Variants in UPF1 observed in about 807,000 individuals in gnomAD.
UPF1 encodes regulator of nonsense transcripts 1.
Under a neutral mutation model 129.2 loss-of-function variants are expected in UPF1, and 9 were observed. The ratio of observed to expected loss-of-function variants is 0.07; its 90% CI spans 0.04 to 0.12. The LOEUF (loss-of-function observed/expected upper bound fraction) is 0.12, where lower values mean the gene tolerates loss of function less well. UPF1 is among the 10% of genes least tolerant of loss of function. The pLI is 1.00. For missense variants in UPF1, 788 were observed against 1,525.3 expected (o/e 0.52, Z 8.05); for synonymous variants, 649 against 644.9 (o/e 1.01, Z -0.10).
chr19:18,861,728 G>C (rs2055781998), intron 17 of UPF1, among the ~76,000 whole-genome samples: 1 of 152,200 alleles, frequency 6.6e-6, no homozygotes, highest in Admixed American at 6.5e-5. Context: ...CTACTCAGGA[G>C]ACTGAGGTGG....
rs1323908980 is a variant in UPF1 at position 18,850,395 on chromosome 19, T to G, written c.629+153T>G. Among the ~76,000 whole-genome samples, 1 of 152,224 alleles carries G rather than the reference T, an allele frequency of 6.6e-6. No individual in the cohort carries two copies. The highest frequency in any genetic ancestry group is 1.5e-5 in the Non-Finnish European group (1 of 68,028). ...CTGAAGGGTGAGGCATGAGAGCGTT[T>G]AGGCGCTGAGGCTTGTTAAGGAGTC... is the stretch of plus-strand genomic sequence containing the variant. On this transcript the variant is annotated intron_variant, in intron 4 of 23. Transcript: ENST00000262803. This position sits in a 1 kb window ranked among gnomAD's most constrained non-coding sequence, Gnocchi z 7.1.
Position 18,856,244 on chromosome 19 carries a change from G to T in UPF1, c.1768G>T (p.Ala590Ser). Residue 590 changes from alanine to serine, a missense_variant, in exon 13 of 24, where the codon GCC (alanine) becomes TCC (serine). This residue lies in a region of UPF1 where 91 missense variants were observed against 157.2 expected (regional missense o/e 0.58). Transcript: ENST00000262803. ...LKDETGELSS[A>S]DEKRYRALKR... is the part of the protein sequence containing the mutation. ...AGACGAGACTGGGGAGCTGTCGTCT[G>T]CCGACGAGAAGCGGTACCGGGCCTT... is the stretch of plus-strand genomic sequence containing the variant. 1.2e-6 allele frequency: 2 copies of T among 1,610,238 alleles called. No individual in the cohort carries two copies. Among genetic ancestry groups the T allele is most frequent in the South Asian group, 2.2e-5 (2 of 91,036 alleles).
At position 18,852,170 on chromosome 19, in the gene UPF1, G is replaced by T. The variant is rs2055665842; in HGVS notation, c.846G>T (p.Lys282Asn). Residue 282 changes from lysine to asparagine, a missense_variant, in exon 6 of 24, where the codon AAG becomes AAT. By Grantham distance (94) the Lys-to-Asn change is moderately conservative. Transcript: ENST00000262803. ...CTGCCACGCTGGAGGACCTGGAGAAGCCGGGGGTGGACGAGGAGCCGCAGC... is the reference window on the plus strand; with the variant it reads ...CTGCCACGCTGGAGGACCTGGAGAATCCGGGGGTGGACGAGGAGCCGCAGC... ...NPSATLEDLE[K>N]PGVDEEPQHV... The T allele has an allele frequency of 6.2e-7, 1 of 1,613,032 alleles. No individual in the cohort carries two copies. Among genetic ancestry groups the T allele is most frequent in the South Asian group, 1.1e-5 (1 of 91,040 alleles).
At chr19:18,857,146 A>G in intron 14 of UPF1, 126 bp downstream of exon 14, 1 of 1,504,874 alleles carries the variant, frequency 6.6e-7, no homozygotes. Context: ...GGGCTCCCTG[A>G]GGGGTTTATA....
Position 18,857,547 on chromosome 19 carries a change from G to A in UPF1, c.2182+14G>A. 6.3e-7 allele frequency: 1 copy of A among 1,598,836 alleles called. No homozygotes were observed. The highest frequency in any genetic ancestry group is 1.3e-5 in the African/African-American group (1 of 74,480). ...GTGTCACTGCAGGTAACGGGGCTCT[G>A]CCCAGGGCAGGGGCTTCTACAGAGA... On this transcript the variant is annotated intron_variant, in intron 15 of 23. Coordinates refer to ENST00000262803, the MANE Select transcript of UPF1 (RefSeq NM_002911.4).
chr19:18,855,271 G>A, intron 11 of UPF1, 29 bp downstream of exon 11: 1 of 1,602,708 alleles, frequency 6.2e-7, no homozygotes, highest in African/African-American at 1.3e-5. Context: ...TTGCGGGCAA[G>A]ACCCGGGAGG....
At chr19:18,862,265 A>G (rs2055788749) in intron 18 of UPF1, 113 bp downstream of exon 18, 8 of 1,472,496 alleles carry the variant, frequency 5.4e-6, no homozygotes, top group African/African-American at 2.8e-5. Context: ...GACTCTGAGC[A>G]GCAGTTGAGA....
Position 18,860,503 on chromosome 19 carries a change from A to G in UPF1, c.2300+65A>G, listed in dbSNP as rs2055766404. The G allele has an allele frequency of 2.6e-6, 4 of 1,513,418 alleles. No homozygotes were observed. In the African/African-American group the frequency reaches 5.6e-5, roughly 21 times the overall value. The allele number at this position is 1,513,418 out of a possible 1,614,324, so 93.7% of individuals were successfully genotyped here. On this transcript the variant is annotated intron_variant, in intron 16 of 23. Transcript: ENST00000262803. The stretch of plus-strand genomic sequence containing the variant: ...GGACAGCTTGAGAGGTTGTTGACCC[A>G]TTCTACTTATTTTTAACATGGGACT...
intron 2 of UPF1, among the ~76,000 whole-genome samples, chr19:18,847,011 T>C (rs1351356796): frequency 6.6e-6 from 1 of 152,202 alleles, no homozygotes; most frequent in East Asian, 1.9e-4. Context: ...CCTGCCTCTG[T>C]CTGTGGGCAC....
At chr19:18,849,088 T>TGAGAA (rs1233873485) in intron 3 of UPF1, 1 of 152,214 alleles carries the variant, frequency 6.6e-6, no homozygotes, top group Non-Finnish European at 1.5e-5. Context: ...TGAGGATGCA[T>TGAGAA]GAGAAGACAC....
intron 1 of UPF1, among the ~76,000 whole-genome samples, chr19:18,844,207 C>T (rs543578454): frequency 8.1e-5 from 11 of 135,652 alleles, no homozygotes; most frequent in African/African-American, 2.8e-4. Flanking sequence ...TCTGGGGCCT[C>T]GTGTATGACT....
chr19:18,861,488 C>T (rs2055778717), intron 17 of UPF1, among the ~76,000 whole-genome samples: 1 of 152,176 alleles, frequency 6.6e-6, no homozygotes, highest in South Asian at 2.1e-4. Context: ...GGCTCAGGTT[C>T]TCTGGGATGA....
Position 18,863,740 on chromosome 19 carries a change from T to TC in UPF1, c.2775+130dup, listed in dbSNP as rs919243443. Reference sequence around the variant, plus strand: ...GGCTCTCCTAGGGGAGGGTGGGCTCTCCTAGGGGAGGGTGGGCCAGCCCAC... The same window carrying TC: ...GGCTCTCCTAGGGGAGGGTGGGCTCTCCCTAGGGGAGGGTGGGCCAGCCCAC... On this transcript the variant is annotated intron_variant, in intron 19 of 23. Transcript: ENST00000262803. The TC allele has an allele frequency of 5.3e-6, 6 of 1,136,820 alleles. No homozygotes were observed. The African/African-American group carries it at 9.4e-5, about 18-fold the overall frequency. 70.4% of individuals were successfully genotyped at this position (1,136,820 alleles called of 1,614,324 possible).
In UPF1 at chr19:18,848,030, C is replaced by T. The variant is rs985750858; in HGVS notation, c.461+197C>T. 3.7e-5 allele frequency: 19 copies of T among 519,424 alleles called. No individual in the cohort carries two copies. The South Asian group carries it at 4.0e-4, about 11-fold the overall frequency. The allele number at this position is 519,424 out of a possible 1,614,324, so 32.2% of individuals were successfully genotyped here. ...AATGTATTTACCCTTGATTTATTCT[C>T]TGTGGCTCTTTTTATTATGCAAGTA... On this transcript the variant is annotated intron_variant, in intron 3 of 23. Coordinates refer to ENST00000262803, the MANE Select transcript of UPF1 (RefSeq NM_002911.4).
chr19:18,861,529 T>A (rs1477105723), intron 17 of UPF1, among the ~76,000 whole-genome samples: 1 of 152,164 alleles, frequency 6.6e-6, no homozygotes, highest in Non-Finnish European at 1.5e-5. Context: ...GAGAAACAAA[T>A]CTCCGTGGCT....
At chr19:18,843,402 T>C (rs1238631462) in intron 1 of UPF1, among the ~76,000 whole-genome samples, 1 of 152,138 alleles carries the variant, frequency 6.6e-6, no homozygotes, top group Non-Finnish European at 1.5e-5. Flanking sequence ...CAGACAGTGG[T>C]GCAAATGTTG....
At chr19:18,842,323 C>T (rs2055550561) in intron 1 of UPF1, among the ~76,000 whole-genome samples, 1 of 152,140 alleles carries the variant, frequency 6.6e-6, no homozygotes, top group Non-Finnish European at 1.5e-5. Context: ...TATTAACCAA[C>T]AGTGTGGCAG....
At position 18,865,499 on chromosome 19, in the gene UPF1, A is replaced by AG. The variant is rs1322541146; in HGVS notation, c.3019+52dup. The AG allele has an allele frequency of 6.2e-7, 1 of 1,612,240 alleles. No individual in the cohort carries two copies. The highest frequency in any genetic ancestry group is 1.7e-5 in the Admixed American group (1 of 60,002). On this transcript the variant is annotated intron_variant, in intron 21 of 23. Coordinates refer to ENST00000262803, the MANE Select transcript of UPF1 (RefSeq NM_002911.4). This position sits in a 1 kb window ranked among gnomAD's most constrained non-coding sequence, Gnocchi z 6.1. ...GGTGTGGCCCTCCTGAGAGCTCTTG[A>AG]GGGTGTGCTTGTCTGCGAGGCCCTG...
At chr19:18,847,882 TTTGTGTG>T in intron 3 of UPF1, 49 bp downstream of exon 3, 1 of 1,571,518 alleles carries the variant, frequency 6.4e-7, no homozygotes, top group Non-Finnish European at 8.7e-7. Flanking sequence ...TGTGCTCAGA[TTTGTGTG>T]TAAATTATGG....
Sources: gnomAD v4.1 joint callset for allele counts (sites outside exome capture counted in the v4.1 genomes callset) on GRCh38, gnomAD v4.1.1 for gene constraint, gnomAD v4.1.1 regional missense constraint, Gnocchi (gnomAD v3.1) non-coding constraint, MANE v1.5 for transcripts, NCBI Gene and HGNC (gene_info 2026-07-23, HGNC 2026-07-21) for gene names.